Variants in SHISA9 observed in about 807,000 individuals in gnomAD.
SHISA9 encodes the protein protein shisa-9.
In SHISA9, 13 loss-of-function variants were observed where a neutral mutation model predicts 38.0. That is an observed-to-expected ratio of 0.34 (90% confidence interval 0.22 to 0.54). SHISA9 has a LOEUF of 0.54. SHISA9 is among the 20% of genes least tolerant of loss of function. The probability of loss-of-function intolerance (pLI) is 0.91; values close to 1 mark genes in which losing one functional copy is unlikely to be tolerated. For synonymous variants in SHISA9, 275 were observed against 242.0 expected, an observed-to-expected ratio of 1.14 and a Z score of -1.27; for missense variants, 538 against 575.8, an observed-to-expected ratio of 0.93 and a Z score of 0.67.
At chr16:12,958,029 G>A (rs1001255408) in intron 2 of SHISA9, among the ~76,000 whole-genome samples, 1 of 152,194 alleles carries the variant, frequency 6.6e-6, no homozygotes, top group Non-Finnish European at 1.5e-5. Context: ...GAATTTGGTG[G>A]TGCACATTCA....
At chr16:12,914,181 G>T (rs1435077738) in intron 1 of SHISA9, among the ~76,000 whole-genome samples, 1 of 151,656 alleles carries the variant, frequency 6.6e-6, no homozygotes, top group East Asian at 1.9e-4. Flanking sequence ...GAGTAGCTGG[G>T]ACTAGGGGCA....
rs368409634 is a variant in SHISA9 at position 13,094,206 on chromosome 16, C to G, written c.692-109188C>G. ...ATTTCCCAACCGTGCTCCTCTGATA[C>G]GAGTTGTGGGTAGAGGAGGCAGTTT... On this transcript the variant is annotated intron_variant, in intron 2 of 4. Transcript: ENST00000558583. Among the ~76,000 whole-genome samples the G allele has an allele frequency of 8.5e-5, 13 of 152,236 alleles. 2 individuals carry two copies. The highest frequency in any genetic ancestry group is 3.1e-4 in the African/African-American group (13 of 41,544).
Position 13,069,337 on chromosome 16 carries a change from CAT to C in SHISA9, c.692-134054_692-134053del, listed in dbSNP as rs1253613203. 8.6e-5 allele frequency among the ~76,000 whole-genome samples: 13 copies of C among 150,434 alleles called. No homozygotes were observed. In the South Asian group the frequency reaches 1.1e-3, roughly 12 times the overall value. On this transcript the variant is annotated intron_variant, in intron 2 of 4. Coordinates refer to ENST00000558583, the MANE Select transcript of SHISA9 (RefSeq NM_001145204.3). ...TACATGTACACACAATGTACGCATG[CAT>C]ATGTGTGTATGTATATATGTGCATG...
intron 4 of SHISA9, among the ~76,000 whole-genome samples, chr16:13,215,386 C>A (rs2051158446): frequency 2.0e-5 from 3 of 152,216 alleles, no homozygotes; most frequent in Admixed American, 2.0e-4. Flanking sequence ...CCCTGACTAC[C>A]TGGCTGTTGC....
the SHISA9 span, among the ~76,000 whole-genome samples, chr16:13,444,856 C>T: frequency 6.6e-6 from 1 of 151,184 alleles, no homozygotes; most frequent in Admixed American, 6.6e-5. Context: ...CTTGCTCTGT[C>T]ACCCAGGCTG....
chr16:13,518,711 G>A, the SHISA9 span, among the ~76,000 whole-genome samples: 1 of 152,152 alleles, frequency 6.6e-6, no homozygotes. Flanking sequence ...CTCTAAAGAT[G>A]TATTGAAATA....
intron 2 of SHISA9, among the ~76,000 whole-genome samples, chr16:13,033,899 A>G (rs1483893785): frequency 6.6e-6 from 1 of 152,210 alleles, no homozygotes; most frequent in African/African-American, 2.4e-5. Flanking sequence ...TAATTCTAGC[A>G]CTTTGGGAGG....
At chr16:12,923,096 T>C (rs966707271) in intron 2 of SHISA9, among the ~76,000 whole-genome samples, 1 of 152,198 alleles carries the variant, frequency 6.6e-6, no homozygotes, top group Admixed American at 6.5e-5. Context: ...CGAGTAGCTC[T>C]ATACATTTCT....
chr16:13,046,468 T>A (rs2073189721), intron 2 of SHISA9, among the ~76,000 whole-genome samples: 1 of 152,150 alleles, frequency 6.6e-6, no homozygotes, highest in Non-Finnish European at 1.5e-5. Flanking sequence ...GTAGCATTAG[T>A]CCTCTTTTCT....
chr16:12,985,237 A>G (rs905814243), intron 2 of SHISA9, among the ~76,000 whole-genome samples: 1 of 129,770 alleles, frequency 7.7e-6, no homozygotes, highest in Non-Finnish European at 1.6e-5. Flanking sequence ...AAATAAATAA[A>G]TAAGTAAATA....
At chr16:13,545,036 C>T in the SHISA9 span, among the ~76,000 whole-genome samples, 4 of 152,198 alleles carry the variant, frequency 2.6e-5, no homozygotes, top group Admixed American at 2.0e-4. Context: ...ATCACAATAA[C>T]ATCAGAACCA....
chr16:13,176,224 A>G (rs781206466), intron 2 of SHISA9, among the ~76,000 whole-genome samples: 1 of 152,124 alleles, frequency 6.6e-6, no homozygotes, highest in Non-Finnish European at 1.5e-5. Flanking sequence ...GAGGGGGCTT[A>G]TATAGCCAGG....
chr16:13,190,919 C>G (rs1226401355), intron 2 of SHISA9, among the ~76,000 whole-genome samples: 1 of 147,230 alleles, frequency 6.8e-6, no homozygotes, highest in Non-Finnish European at 1.5e-5. Context: ...GTTTTTTTTT[C>G]TTTATTGCAA....
the SHISA9 span, among the ~76,000 whole-genome samples, chr16:13,551,764 C>T: frequency 6.6e-6 from 1 of 152,210 alleles, no homozygotes; most frequent in Non-Finnish European, 1.5e-5. Context: ...AGCGGTGGCT[C>T]ATGCCTGTAA....
At chr16:13,154,438 G>A (rs1212749156) in intron 2 of SHISA9, among the ~76,000 whole-genome samples, 1 of 152,138 alleles carries the variant, frequency 6.6e-6, no homozygotes, top group East Asian at 1.9e-4. Context: ...GAAGCTTTAG[G>A]AGCCAATACA....
chr16:13,174,429 T>C (rs1427134419), intron 2 of SHISA9, among the ~76,000 whole-genome samples: 1 of 152,218 alleles, frequency 6.6e-6, no homozygotes, highest in Non-Finnish European at 1.5e-5. Context: ...GTTAAGGAGC[T>C]GTAAGCCCAT....
At chr16:12,912,403 T>G (rs796217669) in intron 1 of SHISA9, among the ~76,000 whole-genome samples, 8 of 152,258 alleles carry the variant, frequency 5.3e-5, no homozygotes, top group African/African-American at 1.9e-4. Flanking sequence ...ATTACGTACT[T>G]TGTTATCCTT....
intron 2 of SHISA9, among the ~76,000 whole-genome samples, chr16:13,167,075 T>TTC (rs542587855): frequency 0.012 from 1,751 of 146,808 alleles, 31 homozygotes; most frequent in South Asian, 0.024. Context: ...CTTTTTTCTT[T>TTC]TTTTTTTTTT....
intron 4 of SHISA9, among the ~76,000 whole-genome samples, chr16:13,223,945 A>C (rs2051254434): frequency 6.6e-6 from 1 of 152,238 alleles, no homozygotes. Flanking sequence ...AACTTGAGGC[A>C]GTGGAGCCAG....
Sources: gnomAD v4.1 joint callset for allele counts (sites outside exome capture counted in the v4.1 genomes callset) on GRCh38, gnomAD v4.1.1 for gene constraint, MANE v1.5 for transcripts, NCBI Gene and HGNC (gene_info 2026-07-23, HGNC 2026-07-21) for gene names.